CYP2D6: variants seen among roughly 807,000 people sequenced by gnomAD.
CYP2D6 encodes the protein cytochrome P450 family 2 subfamily D member 6 (gene/pseudogene), also known as cytochrome P450 2D6.
A neutral mutation model predicts 43.5 loss-of-function variants in CYP2D6; 51 were observed. That is an observed-to-expected ratio of 1.17 (90% CI 0.94 to 1.48). The LOEUF (loss-of-function observed/expected upper bound fraction) is 1.48. Ranked by LOEUF, CYP2D6 falls within the 40% of genes most tolerant of loss-of-function variation. CYP2D6 has a pLI of 0.00. For synonymous variants in CYP2D6, 346 were observed against 297.1 expected (o/e 1.16, Z -1.69); for missense variants, 698 against 688.0 (o/e 1.01, Z -0.16).
chr22:42,129,597 C>T (rs1458404461), intron 2 of CYP2D6, 141 bp downstream of exon 2: 1 of 1,124,170 alleles, frequency 8.9e-7, no homozygotes, highest in East Asian at 2.5e-5. Flanking sequence ...CTCCCTAGTG[C>T]AGGTGGTTTC....
intron 1 of CYP2D6, 142 bp from the exon 2 acceptor site, chr22:42,130,051 G>A: frequency 1.2e-6 from 1 of 846,598 alleles, no homozygotes; most frequent in Non-Finnish European, 1.8e-6. Context: ...CTGATCGTGG[G>A]GCGGGGGTGG....
At chr22:42,127,691 C>T (rs1437662481) in intron 6 of CYP2D6, 57 bp from the exon 7 acceptor site, 6 of 1,584,568 alleles carry the variant, frequency 3.8e-6, no homozygotes, top group South Asian at 2.2e-5. Flanking sequence ...GGCCCTGACA[C>T]TCCTTCTTGC....
intron 2 of CYP2D6, chr22:42,129,527 G>A: frequency 5.3e-6 from 4 of 759,480 alleles, no homozygotes; most frequent in East Asian, 5.3e-5. Context: ...GCTCCTGCCA[G>A]GTCTCGGCAG....
In CYP2D6 at chr22:42,129,016, T is replaced by C. The variant is rs1489036768; in HGVS notation, c.505+17A>G. The C allele has an allele frequency of 3.1e-6, 5 of 1,601,888 alleles. No homozygotes were observed. The highest frequency in any genetic ancestry group is 1.1e-5 in the South Asian group (1 of 89,276). On this transcript the variant is annotated intron_variant, in intron 3 of 8. Coordinates refer to ENST00000645361, the MANE Select transcript of CYP2D6 (RefSeq NM_000106.6). The stretch of plus-strand genomic sequence containing the variant: ...CCTTCCCAGTTCCCGCTTTGTGCCC[T>C]TCTGCCCATCACCCACCGGAGTGGT...
chr22:42,129,611 G>A (rs1931688347), intron 2 of CYP2D6, 127 bp downstream of exon 2: 2 of 1,308,946 alleles, frequency 1.5e-6, no homozygotes, highest in Non-Finnish European at 2.1e-6. Flanking sequence ...TGGTTTCTTG[G>A]CCCGCTGTCC....
In CYP2D6 at chr22:42,128,226, G is replaced by A. The variant is rs1602573439; in HGVS notation, c.791C>T (p.Pro264Leu). 4 of 1,610,136 alleles carry A rather than the reference G, an allele frequency of 2.5e-6. No homozygotes were observed. Among genetic ancestry groups the A allele is most frequent in the Non-Finnish European group, 3.4e-6 (4 of 1,177,836 alleles). The change falls in exon 5 of 9, where the codon CCA (proline) becomes CTA (leucine). Residue 264 changes from proline to leucine, a missense_variant. By Grantham distance (98) the Pro-to-Leu change is moderately conservative. This residue lies in a region of CYP2D6 where 588 missense variants were observed against 521.1 expected (regional missense o/e 1.13). Transcript: ENST00000645361. The stretch of plus-strand genomic sequence containing the variant: ...AGTCAGGTCTCGGGGGGGCTGGGCT[G>A]GGTCCCAGGTCATCCTGTGCTCAGT... ...LLTEHRMTWD[P>L]AQPPRDLTEA...
chr22:42,126,933 C>A lies in CYP2D6; in HGVS notation c.1233G>T (p.Lys411Asn). The change falls in exon 8 of 9, where the codon AAG becomes AAT. Residue 411 changes from lysine to asparagine, a missense_variant. By Grantham distance (94) the Lys-to-Asn change is moderately conservative. This residue lies in a region of CYP2D6 where 9 missense variants were observed against 38.0 expected (regional missense o/e 0.24). Coordinates refer to ENST00000645361, the MANE Select transcript of CYP2D6 (RefSeq NM_000106.6). ...SVLKDEAVWE[K>N]PFRFHPEHFL... ...AGTGTTCGGGGTGGAAGCGGAAGGGCTTCTCCCAGACGGCCTCATCCTTCA... is the reference window on the plus strand; with the variant it reads ...AGTGTTCGGGGTGGAAGCGGAAGGGATTCTCCCAGACGGCCTCATCCTTCA... 1 of 1,609,708 alleles carries A rather than the reference C, an allele frequency of 6.2e-7. No individual in the cohort carries two copies. The highest frequency in any genetic ancestry group is 8.5e-7 in the Non-Finnish European group (1 of 1,177,630).
At position 42,126,997 on chromosome 22, in the gene CYP2D6, G is replaced by A. The variant is rs1213114229; in HGVS notation, c.1174-5C>T. 6 of 1,598,094 alleles carry A rather than the reference G, an allele frequency of 3.8e-6. No individual in the cohort carries two copies. The highest frequency in any genetic ancestry group is 1.7e-5 in the Admixed American group (1 of 58,082). ...GTTGGTGATGAGTGTCGTTCCCTGG[G>A]CAGGAGATGCAGGGTGAGAGTGGGG... On this transcript the variant is annotated splice_polypyrimidine_tract_variant and splice_region_variant and intron_variant, in intron 7 of 8. Coordinates refer to ENST00000645361, the MANE Select transcript of CYP2D6 (RefSeq NM_000106.6).
chr22:42,129,684 T>TCATCACCCA lies in CYP2D6; in HGVS notation c.352+45_352+53dup. On this transcript the variant is annotated intron_variant, in intron 2 of 8. Transcript: ENST00000645361. ...CCTCTCTGCCCAGCTCGGACTACGG[T>TCATCACCCA]CATCACCCACCCGGGTCCCACGGAA... The TCATCACCCA allele has an allele frequency of 8.1e-6, 13 of 1,601,464 alleles. 2 individuals carry two copies. In the South Asian group the frequency reaches 1.3e-4, roughly 16 times the overall value.
chr22:42,127,191 C>G (rs375555616), intron 7 of CYP2D6, among the ~76,000 whole-genome samples, 199 bp from the exon 8 acceptor site: 1 of 151,328 alleles, frequency 6.6e-6, no homozygotes, highest in African/African-American at 2.4e-5. Flanking sequence ...CCCACACTGC[C>G]CCCTCTCCCT....
chr22:42,129,375 GC>G, intron 2 of CYP2D6, 190 bp from the exon 3 acceptor site: 1 of 895,042 alleles, frequency 1.1e-6, no homozygotes, highest in Non-Finnish European at 1.8e-6. Context: ...CCTCGTCTCT[GC>G]CCACCCTGAC....
rs370009591 is a variant in CYP2D6, at chr22:42,130,691, G to A, written c.101C>T (p.Pro34Leu). Residue 34 changes from proline (P) to leucine (L), a missense_variant, in exon 1 of 9, where the codon CCA becomes CTA. Transcript: ENST00000645361. ...HRRQRWAARY[P>L]PGPLPLPGLG... ...CCCGGGCAGTGGCAGGGGGCCTGGT[G>A]GGTAGCGTGCAGCCCAGCGTTGGCG... is the stretch of plus-strand genomic sequence containing the variant. 6.2e-7 allele frequency: 1 copy of A among 1,607,304 alleles called. No homozygotes were observed. The highest frequency in any genetic ancestry group is 8.5e-7 in the Non-Finnish European group (1 of 1,176,592).
rs1569020753 is a variant in CYP2D6 at position 42,127,885 on chromosome 22, C to T, written c.942G>A (p.Leu314=). 2 of 1,611,218 alleles carry T rather than the reference C, an allele frequency of 1.2e-6. No homozygotes were observed. Among genetic ancestry groups the T allele is most frequent in the South Asian group, 2.2e-5 (2 of 90,928 alleles). Residue 314 remains leucine, a synonymous_variant, in exon 6 of 9, where the codon CTG becomes CTA. Coordinates refer to ENST00000645361, the MANE Select transcript of CYP2D6 (RefSeq NM_000106.6). ...SAGMVTTSTT[L]AWGLLLMILH... is the part of the protein sequence containing the mutation. ...GGATCATGAGCAGGAGGCCCCAGGC[C>T]AGCGTGGTCGAGGTGGTCACCATCC...
chr22:42,129,239 C>T (rs1412271537), intron 2 of CYP2D6, 54 bp from the exon 3 acceptor site: 23 of 1,578,426 alleles, frequency 1.5e-5, no homozygotes, highest in Middle Eastern at 3.3e-4. Flanking sequence ...GCCCCACCAT[C>T]CACCACCCAC....
At chr22:42,129,439 T>C (rs1468667760) in intron 2 of CYP2D6, 7 of 752,374 alleles carry the variant, frequency 9.3e-6, no homozygotes, top group Non-Finnish European at 1.6e-5. Flanking sequence ...CACACTGAGC[T>C]TACAGCACAG....
chr22:42,127,766 G>T, intron 6 of CYP2D6, 76 bp downstream of exon 6: 3 of 1,581,652 alleles, frequency 1.9e-6, no homozygotes, highest in Non-Finnish European at 2.6e-6. Flanking sequence ...AGCCCCGGGT[G>T]TCCCAGCAAA....
At chr22:42,128,611 C>T (rs1280573887) in intron 4 of CYP2D6, among the ~76,000 whole-genome samples, 173 bp downstream of exon 4, 1 of 151,014 alleles carries the variant, frequency 6.6e-6, no homozygotes, top group East Asian at 1.9e-4. Flanking sequence ...ACCTCTCCCA[C>T]GACCATGTCT....
Position 42,126,510 on chromosome 22 carries a change from A to C in CYP2D6, c.*64T>G. The C allele has an allele frequency of 1.3e-6, 2 of 1,494,744 alleles. No individual in the cohort carries two copies. The highest frequency in any genetic ancestry group is 1.8e-6 in the Non-Finnish European group (2 of 1,113,372). The allele number at this position is 1,494,744 out of a possible 1,614,324, so 92.6% of individuals were successfully genotyped here. On this transcript the variant is annotated 3_prime_UTR_variant, in exon 9 of 9. Transcript: ENST00000645361. ...GCAGGGGACCCGAGTTGGAACTACC[A>C]CATTGCTTTATTGTACATTAGAGCC...
rs199722016 is a variant in CYP2D6 at position 42,126,599 on chromosome 22, T to C, written c.1469A>G (p.Tyr490Cys). The change falls in exon 9 of 9, where the codon TAT (tyrosine) becomes TGT (cysteine). Residue 490 changes from tyrosine to cysteine, a missense_variant. Transcript: ENST00000645361. ...CTAGCGGGGCACAGCACAAAGCTCA[T>C]AGGGGGATGGGCTCACCAGGAAAGC... ...VFAFLVSPSP[Y>C]ELCAVPR is the part of the protein sequence containing the mutation. 547 of 1,603,736 alleles carry C rather than the reference T, an allele frequency of 3.4e-4. 10 individuals are homozygous for C. The highest frequency in any genetic ancestry group is 3.4e-4 in the Non-Finnish European group (401 of 1,174,750).
Sources: allele counts gnomAD v4.1 joint callset (sites outside exome capture counted in the v4.1 genomes callset), GRCh38; gene constraint gnomAD v4.1.1; regional missense constraint gnomAD v4.1.1; transcripts MANE v1.5; gene names NCBI Gene and HGNC (gene_info 2026-07-23, HGNC 2026-07-21).